Variants in EPS8L2 observed in about 807,000 individuals in gnomAD.
EPS8L2 encodes the protein EPS8 signaling adaptor L2, also known as epidermal growth factor receptor kinase substrate 8-like protein 2.
EPS8L2 carries 81 observed loss-of-function variants against 99.4 expected under a neutral mutation model. The ratio of observed to expected loss-of-function variants is 0.82; its 90% CI spans 0.68 to 0.98. The LOEUF (loss-of-function observed/expected upper bound fraction) is 0.98. Among genes scored for constraint, EPS8L2 ranks in the 50% least tolerant of loss-of-function variants. The pLI is 0.00. For missense variants in EPS8L2, 1,155 were observed against 968.8 expected, an observed-to-expected ratio of 1.19 and a Z score of -2.55; for synonymous variants, 509 against 407.3, an observed-to-expected ratio of 1.25 and a Z score of -3.01.
rs975793997 is a variant in EPS8L2, at chr11:724,322, C to T, written c.1455-402C>T. On this transcript the variant is annotated intron_variant, in intron 15 of 20. Coordinates refer to ENST00000318562, the MANE Select transcript of EPS8L2 (RefSeq NM_022772.4). The surrounding 1 kb of genome is among the most constrained non-coding windows in gnomAD (Gnocchi z 5.5). Reference sequence around the variant, plus strand: ...GACCATTTGGGCTGTGTTCAGTCCTCAGAGGGGCCACGGCTCTGAAGACAT... The same window carrying T: ...GACCATTTGGGCTGTGTTCAGTCCTTAGAGGGGCCACGGCTCTGAAGACAT... Among the ~76,000 whole-genome samples, 1 of 152,168 alleles carries T rather than the reference C, an allele frequency of 6.6e-6. No individual in the cohort carries two copies. The highest frequency in any genetic ancestry group is 1.5e-5 in the Non-Finnish European group (1 of 68,012).
chr11:710,378 T>C, intron 3 of EPS8L2, 44 bp from the exon 4 acceptor site: 1 of 1,592,182 alleles, frequency 6.3e-7, no homozygotes, highest in South Asian at 1.1e-5. Context: ...CGGGAGGCTG[T>C]GGGTCCTGCC....
In EPS8L2 at chr11:716,436, A is replaced by G. The variant is rs1423213184; in HGVS notation, c.166-3626A>G. On this transcript the variant is annotated intron_variant, in intron 4 of 20. Transcript: ENST00000318562. ...GTGCTGGGATAATTTTTGTATTTTC[A>G]GTACAGACAAGAGTTTTGCCATGTT... 2.0e-5 allele frequency among the ~76,000 whole-genome samples: 3 copies of G among 152,208 alleles called. No individual in the cohort carries two copies. In the East Asian group the frequency reaches 5.8e-4, roughly 29 times the overall value.
At chr11:725,241 G>A (rs932811249) in intron 16 of EPS8L2, among the ~76,000 whole-genome samples, 2 of 152,256 alleles carry the variant, frequency 1.3e-5, no homozygotes, top group Non-Finnish European at 2.9e-5. Context: ...AGCCTGGCTC[G>A]GCGGCTCACG....
chr11:720,755 G>A lies in EPS8L2; in HGVS notation c.477+9G>A. ...ACTGCGATGAGGTGGAGGTGAGGCG[G>A]TGCCGGGCGGGGCAGGGTGGGGCCC... On this transcript the variant is annotated intron_variant, in intron 6 of 20. Coordinates refer to ENST00000318562, the MANE Select transcript of EPS8L2 (RefSeq NM_022772.4). The A allele has an allele frequency of 6.5e-7, 1 of 1,544,024 alleles. No homozygotes were observed. Among genetic ancestry groups the A allele is most frequent in the East Asian group, 2.4e-5 (1 of 41,684 alleles).
chr11:722,066 C>T, intron 11 of EPS8L2, 25 bp from the exon 12 acceptor site: 1 of 1,612,336 alleles, frequency 6.2e-7, no homozygotes, highest in South Asian at 1.1e-5. Context: ...CGCCCCGGCA[C>T]CTGCTCACTT....
At chr11:723,394 C>A in intron 15 of EPS8L2, 41 bp downstream of exon 15, 1 of 903,446 alleles carries the variant, frequency 1.1e-6, no homozygotes, top group Non-Finnish European at 1.7e-6. Flanking sequence ...AAGTGAAACC[C>A]TTCAGAACCT....
intron 13 of EPS8L2, 23 bp downstream of exon 13, chr11:722,572 C>T (rs376494628): frequency 6.2e-6 from 10 of 1,611,918 alleles, no homozygotes; most frequent in African/African-American, 5.3e-5. Context: ...AGAGCAGTGC[C>T]GGGGCTTCAT....
chr11:722,693 C>G lies in EPS8L2; in HGVS notation c.1229C>G (p.Pro410Arg). The G allele has an allele frequency of 6.2e-7, 1 of 1,608,622 alleles. No individual in the cohort carries two copies. Among genetic ancestry groups the G allele is most frequent in the Non-Finnish European group, 8.5e-7 (1 of 1,178,156 alleles). The change falls in exon 14 of 21, where the codon CCA becomes CGA. Residue 410 changes from proline (P) to arginine (R), a missense_variant. Physicochemically the swap from Pro to Arg is moderately radical, Grantham distance 103. Transcript: ENST00000318562. ...MRPRSEWPRE[P>R]QVPLYVPKFH... ...CCCAGTTCCGAGTGGCCGCGGGAGCCACAGGTGCCCCTCTACGTGCCCAAG... is the reference window on the plus strand; with the variant it reads ...CCCAGTTCCGAGTGGCCGCGGGAGCGACAGGTGCCCCTCTACGTGCCCAAG...
Position 724,502 on chromosome 11 carries a change from A to T in EPS8L2, c.1455-222A>T, listed in dbSNP as rs58462777. ...TACCACAGGCCCCTGCGCCACGCCC[A>T]CCTCCTGCCTGCCCCGCCTCCACGC... On this transcript the variant is annotated intron_variant, in intron 15 of 20. Coordinates refer to ENST00000318562, the MANE Select transcript of EPS8L2 (RefSeq NM_022772.4). The surrounding 1 kb of genome is among the most constrained non-coding windows in gnomAD (Gnocchi z 5.5). 0.038 allele frequency: 21,503 copies of T among 571,072 alleles called. 1,896 individuals carry two copies. The highest frequency in any genetic ancestry group is 0.27 in the East Asian group (9,063 of 33,646). The allele number at this position is 571,072 out of a possible 1,614,324, so 35.4% of individuals were successfully genotyped here.
intron 12 of EPS8L2, 38 bp from the exon 13 acceptor site, chr11:722,362 TG>T: frequency 6.2e-7 from 1 of 1,603,826 alleles, no homozygotes; most frequent in East Asian, 2.2e-5. Flanking sequence ...GGCCAGGGTC[TG>T]TGGGCCTCAG....
chr11:726,264 G>GGGCAAGGCA, intron 18 of EPS8L2, 40 bp from the exon 19 acceptor site: 1 of 1,585,048 alleles, frequency 6.3e-7, no homozygotes, highest in Non-Finnish European at 8.6e-7. Context: ...GCGGGGGCAG[G>GGGCAAGGCA]GGCAAGGCAG....
At chr11:718,860 G>A (rs777855378) in intron 4 of EPS8L2, among the ~76,000 whole-genome samples, 5 of 151,086 alleles carry the variant, frequency 3.3e-5, no homozygotes, top group Admixed American at 6.6e-5. Context: ...AGTAGAGACG[G>A]GGTTTCACCA....
At position 726,646 on chromosome 11, in the gene EPS8L2, C is replaced by T. The variant is rs1378252136; in HGVS notation, c.1962C>T (p.Thr654=). Residue 654 remains threonine (T), a synonymous_variant, in exon 20 of 21, where the codon ACC becomes ACT. Coordinates refer to ENST00000318562, the MANE Select transcript of EPS8L2 (RefSeq NM_022772.4). ...PRIVENLGIL[T]GPQLFSLNKE... ...TCGTGGAGAACCTGGGCATCCTGAC[C>T]GGGCCGCAGCTCTTCTCCCTCAACA... is the stretch of plus-strand genomic sequence containing the variant. The T allele has an allele frequency of 1.9e-6, 3 of 1,556,916 alleles. No homozygotes were observed. The highest frequency in any genetic ancestry group is 2.4e-5 in the East Asian group (1 of 41,898).
In EPS8L2 at chr11:724,578, G is replaced by T; in HGVS notation, c.1455-146G>T. The T allele has an allele frequency of 1.6e-6, 1 of 629,180 alleles. No homozygotes were observed. Among genetic ancestry groups the T allele is most frequent in the Non-Finnish European group, 2.8e-6 (1 of 351,030 alleles). The allele number at this position is 629,180 out of a possible 1,614,324, so 39.0% of individuals were successfully genotyped here. On this transcript the variant is annotated intron_variant, in intron 15 of 20. Coordinates refer to ENST00000318562, the MANE Select transcript of EPS8L2 (RefSeq NM_022772.4). This position sits in a 1 kb window ranked among gnomAD's most constrained non-coding sequence, Gnocchi z 5.5. ...ACAGTTTCCATTCCGGGCTGACGCT[G>T]CCTGCAGCCTCTCTCCACGGTGACC... is the stretch of plus-strand genomic sequence containing the variant.
chr11:714,392 G>T (rs1486852391), intron 4 of EPS8L2, among the ~76,000 whole-genome samples: 1 of 151,510 alleles, frequency 6.6e-6, no homozygotes, highest in African/African-American at 2.4e-5. Flanking sequence ...ACCATGCCCG[G>T]CTCATTTTTT....
intron 13 of EPS8L2, 58 bp downstream of exon 13, chr11:722,607 C>G (rs1862210638): frequency 6.2e-7 from 1 of 1,609,964 alleles, no homozygotes; most frequent in African/African-American, 1.3e-5. Context: ...GCATGGGGGC[C>G]AGCAAGGGGG....
At chr11:715,215 C>T (rs1231206712) in intron 4 of EPS8L2, among the ~76,000 whole-genome samples, 1 of 150,632 alleles carries the variant, frequency 6.6e-6, no homozygotes, top group Non-Finnish European at 1.5e-5. Context: ...GCACTCCAGC[C>T]TGGGAGACAG....
At chr11:716,349 CG>C (rs1862027663) in intron 4 of EPS8L2, among the ~76,000 whole-genome samples, 1 of 152,022 alleles carries the variant, frequency 6.6e-6, no homozygotes, top group Non-Finnish European at 1.5e-5. Context: ...AGGGTTTCAC[CG>C]TGTTAGCCAG....
rs375898678 is a variant in EPS8L2, at chr11:721,146, G to A, written c.640G>A (p.Gly214Ser). 1.1e-4 allele frequency: 162 copies of A among 1,536,416 alleles called. No homozygotes were observed. The East Asian group carries it at 3.4e-3, about 32-fold the overall frequency. The stretch of plus-strand genomic sequence containing the variant: ...GGCGCCCATCCCCTTCCAGCACCGC[G>A]GCGGGGATTCCCCGGAGGCCAAGAA... ...GPAPIPFQHR[G>S]GDSPEAKNRV... The change falls in exon 8 of 21, where the codon GGC (glycine) becomes AGC (serine). Residue 214 changes from glycine (G) to serine (S), a missense_variant. Physicochemically the swap from Gly to Ser is moderately conservative, Grantham distance 56. Coordinates refer to ENST00000318562, the MANE Select transcript of EPS8L2 (RefSeq NM_022772.4).
Sources: allele counts gnomAD v4.1 joint callset (sites outside exome capture counted in the v4.1 genomes callset), GRCh38; gene constraint gnomAD v4.1.1; non-coding constraint Gnocchi (gnomAD v3.1); transcripts MANE v1.5; gene names NCBI Gene and HGNC (gene_info 2026-07-23, HGNC 2026-07-21).